Variants in NCKAP5 observed in about 807,000 individuals in gnomAD.
NCKAP5 encodes the protein NCK associated protein 5.
A neutral mutation model predicts 167.0 loss-of-function variants in NCKAP5; 92 were observed. The ratio of observed to expected loss-of-function variants is 0.55; its 90% CI spans 0.47 to 0.66. NCKAP5 has a LOEUF of 0.66. NCKAP5 is among the 30% of genes least tolerant of loss of function. The probability of loss-of-function intolerance (pLI) is 0.00; values close to 1 mark genes in which losing one functional copy is unlikely to be tolerated. For missense variants in NCKAP5, 2,378 were observed against 2,315.0 expected, an observed-to-expected ratio of 1.03 and a Z score of -0.56; for synonymous variants, 891 against 877.4, an observed-to-expected ratio of 1.02 and a Z score of -0.27.
intron 6 of NCKAP5, among the ~76,000 whole-genome samples, chr2:133,038,744 T>G (rs984642150): frequency 1.3e-5 from 2 of 151,904 alleles, no homozygotes; most frequent in African/African-American, 4.8e-5. Context: ...TAAATATTGA[T>G]ATATATATAC....
intron 3 of NCKAP5, among the ~76,000 whole-genome samples, chr2:133,406,708 G>C (rs1300246378): frequency 2.0e-5 from 3 of 152,178 alleles, no homozygotes; most frequent in Non-Finnish European, 4.4e-5. Flanking sequence ...TCTGGGGTAG[G>C]AATGCAGGTA....
At chr2:133,285,094 C>T (rs1282279176) in intron 4 of NCKAP5, among the ~76,000 whole-genome samples, 2 of 152,170 alleles carry the variant, frequency 1.3e-5, no homozygotes, top group Admixed American at 6.5e-5. Context: ...CCAAGCCACC[C>T]TAACAGGCCC....
chr2:133,013,651 G>A (rs1268782631), intron 6 of NCKAP5, among the ~76,000 whole-genome samples: 1 of 152,162 alleles, frequency 6.6e-6, no homozygotes, highest in Non-Finnish European at 1.5e-5. Flanking sequence ...AGATTTGGGT[G>A]GGAATACAGC....
chr2:132,749,424 G>T lies in NCKAP5; in HGVS notation c.5129-17373C>A, dbSNP rs545043198. Among the ~76,000 whole-genome samples the T allele has an allele frequency of 2.4e-4, 37 of 152,184 alleles. No individual in the cohort carries two copies. The Middle Eastern group carries it at 0.01, about 42-fold the overall frequency. On this transcript the variant is annotated intron_variant, in intron 16 of 19. Coordinates refer to ENST00000409261, the MANE Select transcript of NCKAP5 (RefSeq NM_207363.3). ...TTGTCATATTGCCCAGGCTGGTCTC[G>T]AACTCCTGGGCTCAAGCCATCCACC...
intron 16 of NCKAP5, among the ~76,000 whole-genome samples, chr2:132,765,073 T>C (rs956712234): frequency 3.3e-5 from 5 of 152,216 alleles, no homozygotes; most frequent in Non-Finnish European, 5.9e-5. Flanking sequence ...ACAAAATATT[T>C]ATTTGAACAT....
At chr2:132,926,720 G>A (rs1423642356) in intron 8 of NCKAP5, among the ~76,000 whole-genome samples, 2 of 151,950 alleles carry the variant, frequency 1.3e-5, no homozygotes, top group Non-Finnish European at 2.9e-5. Context: ...TTTTAATGGG[G>A]TTATTTGTGG....
intron 4 of NCKAP5, among the ~76,000 whole-genome samples, chr2:133,219,501 G>C (rs2086568668): frequency 1.3e-5 from 2 of 152,308 alleles, no homozygotes; most frequent in South Asian, 4.1e-4. Flanking sequence ...TGGAGTCAGT[G>C]GGCAAAGCCA....
At chr2:132,869,703 G>A (rs1033605742) in intron 9 of NCKAP5, among the ~76,000 whole-genome samples, 1 of 152,152 alleles carries the variant, frequency 6.6e-6, no homozygotes. Context: ...GGGCTTACAG[G>A]AAGTCTCAAA....
chr2:133,663,738 CTCTT>C, the NCKAP5 span, among the ~76,000 whole-genome samples: 2 of 152,164 alleles, frequency 1.3e-5, no homozygotes, highest in Non-Finnish European at 2.9e-5. Context: ...AGTTCTCTTG[CTCTT>C]TCTACCATAT....
At chr2:133,570,954 T>C (rs1250469812), upstream of NCKAP5, among the ~76,000 whole-genome samples, 1 of 152,206 alleles carries the variant, frequency 6.6e-6, no homozygotes, top group Non-Finnish European at 1.5e-5. Flanking sequence ...ACCAGGCCTT[T>C]ATAGTAGAAA....
chr2:132,943,207 A>G (rs1388877560), intron 8 of NCKAP5, among the ~76,000 whole-genome samples: 2 of 152,198 alleles, frequency 1.3e-5, no homozygotes, highest in Non-Finnish European at 1.5e-5. Flanking sequence ...ATTTCTCCCT[A>G]TCTTTCCATT....
intron 16 of NCKAP5, among the ~76,000 whole-genome samples, chr2:132,738,599 A>G (rs942496276): frequency 1.3e-5 from 2 of 152,136 alleles, no homozygotes; most frequent in Non-Finnish European, 2.9e-5. Flanking sequence ...AAAGCAAATC[A>G]CTCTGTTAAC....
chr2:132,892,307 A>G (rs1186151355), intron 8 of NCKAP5, among the ~76,000 whole-genome samples: 11 of 152,180 alleles, frequency 7.2e-5, no homozygotes, highest in Admixed American at 2.0e-4. Flanking sequence ...TATCAACTCA[A>G]TATTACATAT....
chr2:133,623,377 A>G, the NCKAP5 span, among the ~76,000 whole-genome samples: 1 of 152,196 alleles, frequency 6.6e-6, no homozygotes, highest in Non-Finnish European at 1.5e-5. Context: ...CCAGAGGGGG[A>G]GAAAATCTTC....
At position 133,517,456 on chromosome 2, in the gene NCKAP5, A is replaced by G; in HGVS notation, c.69+2T>C. On this transcript the variant is annotated splice_donor_variant, in intron 3 of 19. Transcript: ENST00000409261. LOFTEE classifies it high-confidence loss of function. ...AGTGGTAAATGAATATTTAGTACTT[A>G]CCACAAGACTGCTGTCTAGAGACAG... 2 of 1,484,764 alleles carry G rather than the reference A, an allele frequency of 1.3e-6. No individual in the cohort carries two copies. Among genetic ancestry groups the G allele is most frequent in the Non-Finnish European group, 1.8e-6 (2 of 1,108,320 alleles). 92.0% of individuals were successfully genotyped at this position (1,484,764 alleles called of 1,614,324 possible).
At chr2:133,523,701 A>C (rs1383593244) in intron 2 of NCKAP5, among the ~76,000 whole-genome samples, 1 of 152,210 alleles carries the variant, frequency 6.6e-6, no homozygotes, top group Non-Finnish European at 1.5e-5. Flanking sequence ...AATTTTTTGC[A>C]GCCTCATAAA....
the NCKAP5 span, among the ~76,000 whole-genome samples, chr2:133,631,961 G>A: frequency 6.6e-6 from 1 of 152,202 alleles, no homozygotes; most frequent in South Asian, 2.1e-4. Flanking sequence ...GTTTCTTTCT[G>A]TGTTACATTT....
intron 7 of NCKAP5, among the ~76,000 whole-genome samples, chr2:132,989,117 G>T (rs1425690058): frequency 6.6e-6 from 1 of 152,238 alleles, no homozygotes; most frequent in Non-Finnish European, 1.5e-5. Context: ...AAGAAGTGCA[G>T]AAGGTAGCTA....
chr2:133,136,475 G>A lies in NCKAP5; in HGVS notation c.208-6364C>T, dbSNP rs572500449. 3.9e-5 allele frequency among the ~76,000 whole-genome samples: 6 copies of A among 152,286 alleles called. No homozygotes were observed. The South Asian group carries it at 6.2e-4, about 16-fold the overall frequency. On this transcript the variant is annotated intron_variant, in intron 5 of 19. Transcript: ENST00000409261. ...AGGCTCCAAGCCCTCCGTGAGTCCT[G>A]CCTCGTTGAGTGTCATGAGGTACCA...
Sources: allele counts gnomAD v4.1 joint callset (sites outside exome capture counted in the v4.1 genomes callset), GRCh38; gene constraint gnomAD v4.1.1; transcripts MANE v1.5; gene names NCBI Gene and HGNC (gene_info 2026-07-23, HGNC 2026-07-21).